Variants in CNN2 observed in about 807,000 individuals in gnomAD.
The protein encoded by CNN2 is calponin-2.
A neutral mutation model predicts 31.0 loss-of-function variants in CNN2; 21 were observed. That is an observed-to-expected ratio of 0.68 (90% CI 0.48 to 0.98). CNN2 has a LOEUF of 0.98. CNN2 is among the 50% of genes least tolerant of loss of function. The pLI is 0.00. For missense variants in CNN2, 399 were observed against 427.3 expected, an observed-to-expected ratio of 0.93 and a Z score of 0.58; for synonymous variants, 165 against 179.6, an observed-to-expected ratio of 0.92 and a Z score of 0.65.
At chr19:1,027,459 G>T (rs1423711598) in intron 1 of CNN2, among the ~76,000 whole-genome samples, 2 of 152,226 alleles carry the variant, frequency 1.3e-5, no homozygotes, top group Non-Finnish European at 2.9e-5. Context: ...TGGATGGCTT[G>T]AGCCCAGCGA....
chr19:1,027,426 G>A (rs2144611965), intron 1 of CNN2, among the ~76,000 whole-genome samples: 1 of 152,386 alleles, frequency 6.6e-6, no homozygotes, highest in East Asian at 1.9e-4. Context: ...CGTAATCCCA[G>A]CACTTTGGGG....
intron 1 of CNN2, among the ~76,000 whole-genome samples, chr19:1,028,872 C>T (rs574372299): frequency 6.6e-6 from 1 of 152,106 alleles, no homozygotes; most frequent in African/African-American, 2.4e-5. Context: ...TGCCCCCGGG[C>T]GTGGAAAGCC....
At chr19:1,027,556 G>A (rs1195179906) in intron 1 of CNN2, among the ~76,000 whole-genome samples, 1 of 152,216 alleles carries the variant, frequency 6.6e-6, no homozygotes, top group Non-Finnish European at 1.5e-5. Context: ...TTTTAAGAGA[G>A]CACTTGTGGT....
chr19:1,030,557 C>T (rs1346399370), intron 1 of CNN2, among the ~76,000 whole-genome samples: 2 of 151,948 alleles, frequency 1.3e-5, no homozygotes, highest in African/African-American at 4.8e-5. Context: ...ACCGGGGAGG[C>T]GGAGCTTGCA....
chr19:1,027,351 G>C lies in CNN2; in HGVS notation c.63+627G>C, dbSNP rs544229539. Among the ~76,000 whole-genome samples the C allele has an allele frequency of 3.0e-4, 46 of 152,382 alleles. No homozygotes were observed. The South Asian group carries it at 8.7e-3, about 29-fold the overall frequency. On this transcript the variant is annotated intron_variant, in intron 1 of 6. Coordinates refer to ENST00000263097, the MANE Select transcript of CNN2 (RefSeq NM_004368.4). ...AGAGGTTCTCTGAAGGTGGCCCTGA[G>C]ATATGTGGGGTTTTGCAGCCTCGAA...
intron 2 of CNN2, among the ~76,000 whole-genome samples, chr19:1,031,825 C>T (rs1387108793): frequency 2.0e-5 from 3 of 151,296 alleles, no homozygotes; most frequent in African/African-American, 7.3e-5. Context: ...TCCATGTTGG[C>T]CAGGCTGGTC....
intron 1 of CNN2, among the ~76,000 whole-genome samples, chr19:1,027,650 G>T (rs904734861): frequency 1.3e-5 from 2 of 152,180 alleles, no homozygotes; most frequent in Non-Finnish European, 2.9e-5. Context: ...GGGGGGCGGG[G>T]GTTGTGATGC....
intron 4 of CNN2, among the ~76,000 whole-genome samples, chr19:1,035,394 G>A (rs1459061150): frequency 6.6e-6 from 1 of 152,072 alleles, no homozygotes; most frequent in Non-Finnish European, 1.5e-5. Context: ...GTTTTCAGAT[G>A]CCCCCTGTGG....
At chr19:1,033,777 C>G (rs10409682) in intron 4 of CNN2, among the ~76,000 whole-genome samples, 3 of 56,226 alleles carry the variant, frequency 5.3e-5, no homozygotes, top group Non-Finnish European at 3.5e-5. Flanking sequence ...TGGTGTAGAC[C>G]GGGAGCGTGG....
chr19:1,035,582 G>A (rs2039568345), intron 4 of CNN2, among the ~76,000 whole-genome samples: 1 of 152,192 alleles, frequency 6.6e-6, no homozygotes, highest in Non-Finnish European at 1.5e-5. Context: ...CTTGGCCTGA[G>A]CCCTGGAAAG....
chr19:1,026,792 C>T (rs2039403396), intron 1 of CNN2, 68 bp downstream of exon 1: 2 of 1,439,718 alleles, frequency 1.4e-6, no homozygotes, highest in African/African-American at 2.9e-5. Context: ...GTGCAGGAGC[C>T]CCCAGGCGCC....
rs79061930 is a variant in CNN2 at position 1,037,843 on chromosome 19, G to A, written c.873G>A (p.Pro291=). The change falls in exon 7 of 7, where the codon CCG becomes CCA. Residue 291 remains proline, a synonymous_variant. Transcript: ENST00000263097. ...CTCCCTCGGGCACCGGCGACTGCCC[G>A]GACCCGGGGGAGGTCCCTGAATATC... ...DGAPSGTGDC[P]DPGEVPEYPP... The A allele has an allele frequency of 4.1e-5, 63 of 1,555,286 alleles. No homozygotes were observed. The highest frequency in any genetic ancestry group is 2.3e-4 in the Middle Eastern group (1 of 4,300).
At chr19:1,027,341 G>A (rs1172743456) in intron 1 of CNN2, among the ~76,000 whole-genome samples, 3 of 152,246 alleles carry the variant, frequency 2.0e-5, no homozygotes, top group Admixed American at 1.3e-4. Flanking sequence ...TTCTCTGAAG[G>A]TGGCCCTGAG....
chr19:1,030,392 T>C (rs894079854), intron 1 of CNN2, among the ~76,000 whole-genome samples: 2 of 152,170 alleles, frequency 1.3e-5, no homozygotes, highest in East Asian at 1.9e-4. Context: ...TTTGGAGGGC[T>C]GAGACGGGCA....
At position 1,032,689 on chromosome 19, in the gene CNN2, C is replaced by A; in HGVS notation, c.383C>A (p.Ala128Glu). ...TQVQVSLLAL[A>E]GKAKTKGLQS... ...GTGCAGGTGTCTCTTCTCGCCCTGG[C>A]GGGGAAGGTGAGGCCCAGAGAGGGG... Residue 128 changes from alanine (A) to glutamate (E), a missense_variant, in exon 4 of 7, where the codon GCG (alanine) becomes GAG (glutamate). Ala to Glu is a moderately radical substitution (Grantham distance 107). Transcript: ENST00000263097. The A allele has an allele frequency of 6.2e-7, 1 of 1,608,940 alleles. No individual in the cohort carries two copies. The highest frequency in any genetic ancestry group is 8.5e-7 in the Non-Finnish European group (1 of 1,178,354).
At chr19:1,029,946 G>A (rs547920334) in intron 1 of CNN2, among the ~76,000 whole-genome samples, 2 of 152,078 alleles carry the variant, frequency 1.3e-5, no homozygotes, top group South Asian at 2.1e-4. Flanking sequence ...TGATCCGCCC[G>A]CCTTGGCCTC....
At chr19:1,026,964 C>A (rs1013946874) in intron 1 of CNN2, 6 of 492,322 alleles carry the variant, frequency 1.2e-5, no homozygotes, top group East Asian at 3.8e-5. Flanking sequence ...CCATTCCCCC[C>A]CCCAACATCT....
chr19:1,037,340 G>C (rs772961201), intron 6 of CNN2: 3 of 384,870 alleles, frequency 7.8e-6, no homozygotes, highest in Non-Finnish European at 1.4e-5. Flanking sequence ...GTTTCACCGT[G>C]TTGGCCAGGC....
chr19:1,026,673 G>A lies in CNN2; in HGVS notation c.12G>A (p.Thr4=). 6.5e-7 allele frequency: 1 copy of A among 1,546,928 alleles called. No homozygotes were observed. Among genetic ancestry groups the A allele is most frequent in the Non-Finnish European group, 8.7e-7 (1 of 1,146,066 alleles). ...CCCGCCCGCCAGCCATGAGCTCCAC[G>A]CAGTTCAACAAGGGCCCCTCGTACG... MSS[T]QFNKGPSYGL... Residue 4 remains threonine, a synonymous_variant, in exon 1 of 7, where the codon ACG becomes ACA. Coordinates refer to ENST00000263097, the MANE Select transcript of CNN2 (RefSeq NM_004368.4).
Sources: allele counts gnomAD v4.1 joint callset (sites outside exome capture counted in the v4.1 genomes callset), GRCh38; gene constraint gnomAD v4.1.1; transcripts MANE v1.5; gene names NCBI Gene and HGNC (gene_info 2026-07-23, HGNC 2026-07-21).